ANAPC10: variants seen among roughly 807,000 people sequenced by gnomAD.
ANAPC10 encodes the protein anaphase promoting complex subunit 10, also known as anaphase-promoting complex subunit 10.
In ANAPC10, 12 loss-of-function variants were observed where a neutral mutation model predicts 22.0. The observed-to-expected ratio is 0.55, with a 90% CI of 0.35 to 0.88. The LOEUF (loss-of-function observed/expected upper bound fraction) is 0.88. ANAPC10 is among the 40% of genes least tolerant of loss of function. The pLI, the probability that ANAPC10 is intolerant of heterozygous loss-of-function variation, is 0.01. For synonymous variants in ANAPC10, 65 were observed against 69.5 expected (o/e 0.94, Z 0.32); for missense variants, 188 against 220.9 (o/e 0.85, Z 0.94).
intron 2 of ANAPC10, among the ~76,000 whole-genome samples, chr4:145,082,007 G>C (rs985127095): frequency 6.6e-6 from 1 of 152,110 alleles, no homozygotes; most frequent in Non-Finnish European, 1.5e-5. Context: ...ATAGCACCCA[G>C]CTGTGAAACT....
intron 2 of ANAPC10, 98 bp from the exon 3 acceptor site, chr4:145,081,848 TA>T: frequency 1.1e-6 from 1 of 872,844 alleles, no homozygotes; most frequent in Non-Finnish European, 1.9e-6. Context: ...GAAATTTTGA[TA>T]AACAGAAAGG....
chr4:145,069,970 A>G (rs1744258440), intron 3 of ANAPC10, among the ~76,000 whole-genome samples: 1 of 152,232 alleles, frequency 6.6e-6, no homozygotes, highest in African/African-American at 2.4e-5. Context: ...TTGTTAACAC[A>G]TAATAGGTTA....
At chr4:145,005,831 T>C (rs1733257234) in intron 4 of ANAPC10, among the ~76,000 whole-genome samples, 2 of 152,020 alleles carry the variant, frequency 1.3e-5, no homozygotes, top group South Asian at 4.1e-4. Flanking sequence ...ACATGGTTTG[T>C]ATAATTTCAG....
At chr4:145,043,033 TC>T (rs1377800567) in intron 4 of ANAPC10, among the ~76,000 whole-genome samples, 1 of 151,928 alleles carries the variant, frequency 6.6e-6, no homozygotes, top group Non-Finnish European at 1.5e-5. Context: ...AAAGTAATGT[TC>T]CAAAGGTTCA....
chr4:145,011,057 C>A (rs890009543), intron 4 of ANAPC10, among the ~76,000 whole-genome samples: 4 of 151,976 alleles, frequency 2.6e-5, no homozygotes, highest in African/African-American at 4.8e-5. Flanking sequence ...ATTGCCTGAA[C>A]GCAGTGGCTC....
intron 2 of ANAPC10, among the ~76,000 whole-genome samples, chr4:145,092,619 T>A (rs1579178806): frequency 6.6e-6 from 1 of 152,130 alleles, no homozygotes; most frequent in African/African-American, 2.4e-5. Context: ...TCACACTGAC[T>A]CTCAGACTCT....
chr4:145,037,854 G>T (rs776324816), intron 4 of ANAPC10, among the ~76,000 whole-genome samples: 15 of 151,458 alleles, frequency 9.9e-5, no homozygotes, highest in Non-Finnish European at 2.2e-4. Context: ...GGCTGAGGCA[G>T]GAGGATCGAT....
intron 3 of ANAPC10, among the ~76,000 whole-genome samples, chr4:145,073,697 C>G (rs925812360): frequency 6.6e-6 from 1 of 152,016 alleles, no homozygotes; most frequent in Non-Finnish European, 1.5e-5. Context: ...CATTATTAAA[C>G]TATCAAAATT....
intron 4 of ANAPC10, among the ~76,000 whole-genome samples, chr4:145,031,063 T>C (rs1173018210): frequency 6.6e-6 from 1 of 152,230 alleles, no homozygotes; most frequent in Non-Finnish European, 1.5e-5. Context: ...CAAATGCCTT[T>C]TTCTCCATTC....
chr4:145,042,742 T>A (rs543950766), intron 4 of ANAPC10, among the ~76,000 whole-genome samples: 3 of 151,460 alleles, frequency 2.0e-5, no homozygotes, highest in South Asian at 4.2e-4. Flanking sequence ...AAAAAAAAAA[T>A]GATGTGTGAA....
At chr4:145,068,232 A>G (rs1476350355) in intron 3 of ANAPC10, among the ~76,000 whole-genome samples, 1 of 152,214 alleles carries the variant, frequency 6.6e-6, no homozygotes, top group Non-Finnish European at 1.5e-5. Context: ...ATTTCTAATT[A>G]ATACAGCATT....
chr4:145,067,863 TGACTA>T (rs2126495190), intron 3 of ANAPC10, among the ~76,000 whole-genome samples: 1 of 152,310 alleles, frequency 6.6e-6, no homozygotes, highest in Non-Finnish European at 1.5e-5. Context: ...TAGAGCCATA[TGACTA>T]AGTTATGGCC....
intron 4 of ANAPC10, among the ~76,000 whole-genome samples, chr4:145,004,344 G>C (rs1733024395): frequency 6.6e-6 from 1 of 152,120 alleles, no homozygotes; most frequent in Non-Finnish European, 1.5e-5. Context: ...TATTTCTCTT[G>C]CCTGATTGCT....
At chr4:145,080,291 C>G (rs902991015) in intron 3 of ANAPC10, among the ~76,000 whole-genome samples, 3 of 152,030 alleles carry the variant, frequency 2.0e-5, no homozygotes, top group African/African-American at 7.2e-5. Flanking sequence ...CAAAACCCAG[C>G]GAAAGGCAAC....
chr4:145,020,715 C>T (rs1735846439), intron 4 of ANAPC10, among the ~76,000 whole-genome samples: 1 of 151,856 alleles, frequency 6.6e-6, no homozygotes, highest in Non-Finnish European at 1.5e-5. Context: ...CTAGAACTGA[C>T]AAAAGAATTC....
chr4:145,011,700 A>T (rs1299624405), intron 4 of ANAPC10, among the ~76,000 whole-genome samples: 11 of 152,158 alleles, frequency 7.2e-5, no homozygotes, highest in African/African-American at 2.7e-4. Context: ...TCTTTCAGAA[A>T]AGACAAAATT....
chr4:145,068,974 G>A (rs994316895), intron 3 of ANAPC10, among the ~76,000 whole-genome samples: 3 of 152,070 alleles, frequency 2.0e-5, no homozygotes, highest in East Asian at 1.9e-4. Context: ...AAGTTTTCGC[G>A]GAAGACTACA....
chr4:145,044,345 T>G (rs1196768156), intron 4 of ANAPC10, among the ~76,000 whole-genome samples: 1 of 152,080 alleles, frequency 6.6e-6, no homozygotes, highest in East Asian at 1.9e-4. Context: ...ATGAAAAATT[T>G]AAAGACAGTA....
In ANAPC10 at chr4:145,025,948, C is replaced by G. The variant is rs1453067788; in HGVS notation, c.328-30345G>C. On this transcript the variant is annotated intron_variant, in intron 4 of 4. Coordinates refer to ENST00000507656, the MANE Select transcript of ANAPC10 (RefSeq NM_001256706.2). ...CTCTTATAGAAAACTAAGGTCTTAC[C>G]AGTTAGACAGATTAAAGAGGGTCTA... Among the ~76,000 whole-genome samples, 5 of 152,100 alleles carry G rather than the reference C, an allele frequency of 3.3e-5. 1 individual carries two copies. Among genetic ancestry groups the G allele is most frequent in the Admixed American group, 1.3e-4 (2 of 15,250 alleles).
Sources: gnomAD v4.1 joint callset for allele counts (sites outside exome capture counted in the v4.1 genomes callset) on GRCh38, gnomAD v4.1.1 for gene constraint, MANE v1.5 for transcripts, NCBI Gene and HGNC (gene_info 2026-07-23, HGNC 2026-07-21) for gene names.